The following CAPG variants were observed in gnomAD, a reference collection of about 807,000 sequenced individuals.
The protein encoded by CAPG is macrophage-capping protein.
Under a neutral mutation model 44.6 loss-of-function variants are expected in CAPG, and 32 were observed. The ratio of observed to expected loss-of-function variants is 0.72; its 90% CI spans 0.54 to 0.96. CAPG has a LOEUF of 0.96. CAPG is among the 50% of genes least tolerant of loss of function. The probability of loss-of-function intolerance (pLI) is 0.00; values close to 1 mark genes in which losing one functional copy is unlikely to be tolerated. For synonymous variants in CAPG, 175 were observed against 179.6 expected (o/e 0.97, Z 0.20); for missense variants, 412 against 438.3 (o/e 0.94, Z 0.54).
At chr2:85,398,585 A>T in intron 7 of CAPG, 105 bp downstream of exon 7, 1 of 934,640 alleles carries the variant, frequency 1.1e-6, no homozygotes, top group South Asian at 1.5e-5. Flanking sequence ...TTCCAGCCCC[A>T]CCTTCCCCCT....
At chr2:85,411,812 A>G (rs113447196), upstream of CAPG, among the ~76,000 whole-genome samples, 1,649 of 152,350 alleles carry the variant, frequency 0.011, 11 homozygotes, top group Non-Finnish European at 0.016. Context: ...CGGTAATCCC[A>G]GCACTTTGGG....
intron 1 of CAPG, among the ~76,000 whole-genome samples, chr2:85,406,134 T>A (rs929939686): frequency 6.6e-6 from 1 of 151,584 alleles, no homozygotes; most frequent in African/African-American, 2.4e-5. Flanking sequence ...AAACCCCGTC[T>A]CTACTAAAAG....
At chr2:85,408,338 T>TCACACACACACACACACACACACA (rs71390065) in intron 1 of CAPG, among the ~76,000 whole-genome samples, 20 of 129,572 alleles carry the variant, frequency 1.5e-4, no homozygotes, top group African/African-American at 4.5e-4. Flanking sequence ...GAAGAATCTG[T>TCACACACACACACACACACACACA]CACACACACA....
rs553734215 is a variant in CAPG at position 85,402,799 on chromosome 2, C to G, written c.-13-641G>C. On this transcript the variant is annotated intron_variant, in intron 1 of 9. Transcript: ENST00000263867. ...GCTTTTTTTTTTTTGGAGACAGAGT[C>G]TCACTCTGTCACTCAGGCTGGAGTG... 2.0e-5 allele frequency among the ~76,000 whole-genome samples: 3 copies of G among 149,670 alleles called. No individual in the cohort carries two copies. In the East Asian group the frequency reaches 5.9e-4, roughly 29 times the overall value.
downstream of CAPG, among the ~76,000 whole-genome samples, chr2:85,392,801 A>AT (rs1255704119): frequency 6.6e-6 from 1 of 152,172 alleles, no homozygotes; most frequent in Admixed American, 6.5e-5. Flanking sequence ...GTTGAATTGC[A>AT]GGGGAGAAAA....
rs1272123533 is a variant in CAPG, at chr2:85,401,540, G to C, written c.340C>G (p.Leu114Val). 6.2e-7 allele frequency: 1 copy of C among 1,614,032 alleles called. No individual in the cohort carries two copies. Among genetic ancestry groups the C allele is most frequent in the African/African-American group, 1.3e-5 (1 of 74,918 alleles). ...AGGTGGGCTCTGACCTGGTACTTGA[G>C]GCCCCGTGGGAAGTAGCTCATGAAG... The part of the protein sequence containing the change: ...DLFMSYFPRG[L>V]KYQEGGVESA... The change falls in exon 4 of 10, where the codon CTC becomes GTC. Residue 114 changes from leucine to valine, a missense_variant. Coordinates refer to ENST00000263867, the MANE Select transcript of CAPG (RefSeq NM_001747.4).
chr2:85,398,930 C>T, intron 6 of CAPG, 148 bp from the exon 7 acceptor site: 1 of 823,022 alleles, frequency 1.2e-6, no homozygotes, highest in Non-Finnish European at 1.9e-6. Context: ...GGGCTGAGTC[C>T]AGCCCACCCC....
intron 7 of CAPG, 25 bp downstream of exon 7, chr2:85,398,665 C>CCCAAG (rs1686727296): frequency 6.4e-7 from 1 of 1,570,332 alleles, no homozygotes; most frequent in Non-Finnish European, 8.7e-7. Flanking sequence ...GCTGCCGGGT[C>CCCAAG]CCAGGGCAGG....
intron 1 of CAPG, among the ~76,000 whole-genome samples, chr2:85,416,303 C>A (rs562266135): frequency 6.6e-6 from 1 of 152,292 alleles, no homozygotes; most frequent in African/African-American, 2.4e-5. Flanking sequence ...CTCGACCTGT[C>A]TTCTAACTAC....
Position 85,399,290 on chromosome 2 carries a change from A to C in CAPG, c.517-5T>G. 2 of 1,613,864 alleles carry C rather than the reference A, an allele frequency of 1.2e-6. No individual in the cohort carries two copies. Among genetic ancestry groups the C allele is most frequent in the Non-Finnish European group, 1.7e-6 (2 of 1,179,908 alleles). ...ACCACACCAGGCGAAGATGTTCTGCAAGGAAGCAGGAAAGTCCGGGTCAGA... is the reference window on the plus strand; with the variant it reads ...ACCACACCAGGCGAAGATGTTCTGCCAGGAAGCAGGAAAGTCCGGGTCAGA... On this transcript the variant is annotated splice_polypyrimidine_tract_variant and splice_region_variant and intron_variant, in intron 5 of 9. Coordinates refer to ENST00000263867, the MANE Select transcript of CAPG (RefSeq NM_001747.4).
At chr2:85,414,064 C>T (rs9677267), upstream of CAPG, 29,897 of 152,436 alleles carry the variant, frequency 0.2, 3,895 homozygotes, top group African/African-American at 0.36. Flanking sequence ...AGGAGCCGCC[C>T]CCGGTGAGTC....
At chr2:85,412,604 C>T (rs1281561755), upstream of CAPG, among the ~76,000 whole-genome samples, 1 of 151,992 alleles carries the variant, frequency 6.6e-6, no homozygotes, top group East Asian at 1.9e-4. Flanking sequence ...GGGTACTAGG[C>T]TTAATACCGG....
At chr2:85,396,649 A>G (rs1337049040) in intron 8 of CAPG, among the ~76,000 whole-genome samples, 3 of 151,902 alleles carry the variant, frequency 2.0e-5, no homozygotes, top group South Asian at 4.2e-4. Flanking sequence ...TCCGGTTTAT[A>G]CATGCTTCTG....
chr2:85,419,175 T>C (rs1168428452), upstream of CAPG: 1 of 152,346 alleles, frequency 6.6e-6, no homozygotes, highest in Non-Finnish European at 1.5e-5. Context: ...TCCCAGGGTG[T>C]GCAGGCCGCG....
chr2:85,393,829 G>T (rs114308910), downstream of CAPG, among the ~76,000 whole-genome samples: 7,560 of 152,304 alleles, frequency 0.05, 229 homozygotes, highest in Non-Finnish European at 0.067. Context: ...CTCCCAAAGT[G>T]CTGGGGTTAT....
Position 85,403,009 on chromosome 2 carries a change from G to A in CAPG, c.-13-851C>T, listed in dbSNP as rs150282910. 3.8e-3 allele frequency among the ~76,000 whole-genome samples: 574 copies of A among 152,250 alleles called. 7 individuals are homozygous for A. The highest frequency in any genetic ancestry group is 0.013 in the African/African-American group (542 of 41,536). On this transcript the variant is annotated intron_variant, in intron 1 of 9. Transcript: ENST00000263867. ...TGGTCTTAAACTCCTGACCTCAGGT[G>A]ATTCACGCGCCTCAGCCTCCCAAAG...
intron 1 of CAPG, among the ~76,000 whole-genome samples, chr2:85,404,722 TG>T (rs1163490480): frequency 6.6e-6 from 1 of 151,930 alleles, no homozygotes; most frequent in Non-Finnish European, 1.5e-5. Context: ...CACTCCAGCC[TG>T]GGTGACAGAG....
At chr2:85,399,658 T>C (rs1187721150) in intron 5 of CAPG, among the ~76,000 whole-genome samples, 1 of 152,194 alleles carries the variant, frequency 6.6e-6, no homozygotes, top group African/African-American at 2.4e-5. Flanking sequence ...CCTGGCTAAT[T>C]TCTTAATTTT....
At chr2:85,418,155 C>T (rs1687610225) in intron 1 of CAPG, 1 of 152,268 alleles carries the variant, frequency 6.6e-6, no homozygotes, top group Non-Finnish European at 1.5e-5. Context: ...CCAGGACCCT[C>T]GCCTGACCCA....
Sources: gnomAD v4.1 joint callset for allele counts (sites outside exome capture counted in the v4.1 genomes callset) on GRCh38, gnomAD v4.1.1 for gene constraint, MANE v1.5 for transcripts, NCBI Gene and HGNC (gene_info 2026-07-23, HGNC 2026-07-21) for gene names.